The following UNKL variants were observed in gnomAD, a reference collection of about 807,000 sequenced individuals.
UNKL encodes putative E3 ubiquitin-protein ligase UNKL.
Under a neutral mutation model 78.0 loss-of-function variants are expected in UNKL, and 60 were observed. The observed-to-expected ratio is 0.77, with a 90% CI of 0.63 to 0.95. The LOEUF is 0.95. UNKL is among the 40% of genes least tolerant of loss of function. The pLI is 0.00. For missense variants in UNKL, 1,159 were observed against 1,045.7 expected (o/e 1.11, Z -1.49); for synonymous variants, 608 against 474.8 (o/e 1.28, Z -3.65).
chr16:1,401,482 A>C, intron 4 of UNKL, 86 bp downstream of exon 4: 1 of 1,361,602 alleles, frequency 7.3e-7, no homozygotes, highest in Admixed American at 3.0e-5. Context: ...GTAAACTGAA[A>C]GGCACAGGGA....
intron 2 of UNKL, among the ~76,000 whole-genome samples, chr16:1,410,267 GAAA>G (rs57597459): frequency 2.0e-5 from 2 of 101,444 alleles, no homozygotes; most frequent in African/African-American, 3.7e-5. Context: ...CCCTGTCTCA[GAAA>G]AAAAAAAAAA....
chr16:1,379,557 G>A (rs987844720), intron 10 of UNKL: 8 of 985,156 alleles, frequency 8.1e-6, no homozygotes, highest in Non-Finnish European at 9.6e-6. Flanking sequence ...ACCTAAGGGA[G>A]GGCCCGCTCC....
At chr16:1,407,908 T>C (rs772663829) in intron 2 of UNKL, among the ~76,000 whole-genome samples, 1 of 151,620 alleles carries the variant, frequency 6.6e-6, no homozygotes, top group East Asian at 2.0e-4. Flanking sequence ...TTTTTCCCAA[T>C]GAAAATGGGC....
chr16:1,366,186 A>G lies in UNKL; in HGVS notation c.*54T>C. 1 of 1,437,444 alleles carries G rather than the reference A, an allele frequency of 7.0e-7. No individual in the cohort carries two copies. The highest frequency in any genetic ancestry group is 1.4e-5 in the African/African-American group (1 of 70,366). The allele number at this position is 1,437,444 out of a possible 1,614,324, so 89.0% of individuals were successfully genotyped here. A position where few individuals can be genotyped will look rare whatever the true frequency, so the allele number is the denominator to read the frequency against. On this transcript the variant is annotated 3_prime_UTR_variant, in exon 15 of 15. Transcript: ENST00000389221. ...AGCGAGTGACGACATGTCCGTGGTC[A>G]GGAGGAGCGCTGGAGCCAGGGTGCC...
Position 1,387,738 on chromosome 16 carries a change from G to A in UNKL, c.1087-2353C>T, listed in dbSNP as rs919904187. On this transcript the variant is annotated intron_variant, in intron 9 of 14. Transcript: ENST00000389221. This position sits in a 1 kb window ranked among gnomAD's most constrained non-coding sequence, Gnocchi z 4.1. ...ACACTGCACAGCCGCACGGCTGCCC[G>A]GCCCTCCGGGGACGTGGACACTGCA... is the stretch of plus-strand genomic sequence containing the variant. 3.3e-5 allele frequency among the ~76,000 whole-genome samples: 5 copies of A among 152,128 alleles called. No individual in the cohort carries two copies. The highest frequency in any genetic ancestry group is 1.9e-4 in the East Asian group (1 of 5,180).
At chr16:1,371,735 T>A (rs940892601) in intron 10 of UNKL, 124 bp from the exon 11 acceptor site, 37 of 1,003,464 alleles carry the variant, frequency 3.7e-5, no homozygotes, top group Non-Finnish European at 4.6e-5. Flanking sequence ...GGCGTGGGAG[T>A]TGCTGGGGCA....
rs1293182327 is a variant in UNKL, at chr16:1,385,347, G to A, written c.1125C>T (p.Ala375=). 78 of 1,418,842 alleles carry A rather than the reference G, an allele frequency of 5.5e-5. No homozygotes were observed. Among genetic ancestry groups the A allele is most frequent in the Non-Finnish European group, 7.1e-5 (77 of 1,090,138 alleles). The allele number at this position is 1,418,842 out of a possible 1,614,324, so 87.9% of individuals were successfully genotyped here. ...ACGCCACGCTGGAGCTCACGCTGGG[G>A]GCCGGCGGGTGGACCGCTGCAAACA... is the stretch of plus-strand genomic sequence containing the variant. ...LAVFAAVHPP[A]PSVSSSVASS... The change falls in exon 10 of 15, where the codon GCC becomes GCT. Residue 375 remains alanine (A), a synonymous_variant. Coordinates refer to ENST00000389221, the MANE Select transcript of UNKL (RefSeq NM_001372107.1).
rs567418332 is a variant in UNKL, at chr16:1,368,902, A to C, written c.1586-1044T>G. Among the ~76,000 whole-genome samples, 42 of 152,074 alleles carry C rather than the reference A, an allele frequency of 2.8e-4. No individual in the cohort carries two copies. The East Asian group carries it at 7.5e-3, about 27-fold the overall frequency. The stretch of plus-strand genomic sequence containing the variant: ...TGAAACTTTGTTTTAAAAAAATAAA[A>C]ACTTTTAAAATTTTGTATTTTTTTG... On this transcript the variant is annotated intron_variant, in intron 12 of 14. Coordinates refer to ENST00000389221, the MANE Select transcript of UNKL (RefSeq NM_001372107.1).
intron 9 of UNKL, among the ~76,000 whole-genome samples, chr16:1,385,686 C>T (rs2036786038): frequency 1.3e-5 from 2 of 152,376 alleles, no homozygotes; most frequent in African/African-American, 2.4e-5. Flanking sequence ...CAATCTGGCA[C>T]GTGCAGAAAG....
intron 10 of UNKL, among the ~76,000 whole-genome samples, chr16:1,375,789 A>G (rs1422241022): frequency 6.6e-6 from 1 of 152,152 alleles, no homozygotes; most frequent in Admixed American, 6.5e-5. Context: ...AGCCGCACCC[A>G]GAGCCATTCA....
intron 2 of UNKL, among the ~76,000 whole-genome samples, chr16:1,404,885 T>C (rs1166270742): frequency 2.6e-5 from 4 of 151,626 alleles, no homozygotes; most frequent in Non-Finnish European, 5.9e-5. Flanking sequence ...AGCCACACAG[T>C]GGGGTATTTT....
chr16:1,369,530 C>T (rs1323551133), intron 12 of UNKL, among the ~76,000 whole-genome samples: 4 of 152,094 alleles, frequency 2.6e-5, no homozygotes, highest in Admixed American at 6.6e-5. Context: ...CCACCACACC[C>T]GGCTAATTTT....
At chr16:1,405,793 A>G (rs1175585218) in intron 2 of UNKL, 3 of 361,084 alleles carry the variant, frequency 8.3e-6, no homozygotes, top group East Asian at 7.4e-5. Flanking sequence ...CACCCAGCAC[A>G]TGGGCACCGC....
intron 1 of UNKL, among the ~76,000 whole-genome samples, chr16:1,414,268 C>G (rs1177874323): frequency 1.3e-5 from 2 of 151,900 alleles, no homozygotes; most frequent in East Asian, 3.9e-4. Flanking sequence ...CCCTGGTCCC[C>G]AAGCCCAAGC....
chr16:1,394,234 T>C lies in UNKL; in HGVS notation c.853-19A>G. 6.5e-7 allele frequency: 1 copy of C among 1,549,920 alleles called. No individual in the cohort carries two copies. The highest frequency in any genetic ancestry group is 8.7e-7 in the Non-Finnish European group (1 of 1,146,614). ...TGTAGATCTGGGGAAAAAAGTGAAA[T>C]AAAGAGGTTGGATTGGAAATGGGAT... On this transcript the variant is annotated intron_variant, in intron 6 of 14. Coordinates refer to ENST00000389221, the MANE Select transcript of UNKL (RefSeq NM_001372107.1).
intron 6 of UNKL, among the ~76,000 whole-genome samples, chr16:1,394,681 C>T (rs970952240): frequency 1.1e-4 from 17 of 152,200 alleles, no homozygotes; most frequent in East Asian, 1.9e-4. Context: ...AGCCCCCAGT[C>T]GGCCTTGGGA....
At chr16:1,393,504 C>T (rs1392818962) in intron 7 of UNKL, among the ~76,000 whole-genome samples, 2 of 152,046 alleles carry the variant, frequency 1.3e-5, no homozygotes, top group Non-Finnish European at 2.9e-5. Context: ...AGGAAACCCA[C>T]TGCAGCGTGG....
Position 1,387,320 on chromosome 16 carries a change from A to G in UNKL, c.1087-1935T>C, listed in dbSNP as rs1363914396. Among the ~76,000 whole-genome samples, 1 of 152,182 alleles carries G rather than the reference A, an allele frequency of 6.6e-6. No individual in the cohort carries two copies. The highest frequency in any genetic ancestry group is 1.5e-5 in the Non-Finnish European group (1 of 68,028). ...GGTTGCTGGAAGCCTCATGTTCTCC[A>G]GCAAGCAGCCCAGAAACACTATGGG... is the stretch of plus-strand genomic sequence containing the variant. On this transcript the variant is annotated intron_variant, in intron 9 of 14. Transcript: ENST00000389221. The surrounding 1 kb of genome is among the most constrained non-coding windows in gnomAD (Gnocchi z 4.1).
rs866134927 is a variant in UNKL at position 1,363,302 on chromosome 16, C to T, written c.*2938G>A. ...ATGCTATAGTGTAAAAAAATTTAAA[C>T]AAGTGTTAACTTTAAACAGTTCGCT... On this transcript the variant is annotated 3_prime_UTR_variant, in exon 15 of 15. Coordinates refer to ENST00000389221, the MANE Select transcript of UNKL (RefSeq NM_001372107.1). The T allele has an allele frequency of 5.1e-6, 3 of 584,148 alleles. No individual in the cohort carries two copies. Among genetic ancestry groups the T allele is most frequent in the South Asian group, 1.9e-5 (1 of 52,014 alleles). The allele number at this position is 584,148 out of a possible 1,614,324, so 36.2% of individuals were successfully genotyped here.
Sources: allele counts gnomAD v4.1 joint callset (sites outside exome capture counted in the v4.1 genomes callset), GRCh38; gene constraint gnomAD v4.1.1; non-coding constraint Gnocchi (gnomAD v3.1); transcripts MANE v1.5; gene names NCBI Gene and HGNC (gene_info 2026-07-23, HGNC 2026-07-21).